Variants in DHRSX observed in about 807,000 individuals in gnomAD.
The protein encoded by DHRSX is dehydrogenase/reductase X-linked.
DHRSX carries 31 observed loss-of-function variants against 34.0 expected under a neutral mutation model. The ratio of observed to expected loss-of-function variants is 0.91; its 90% CI spans 0.69 to 1.23. The LOEUF is 1.23. Among genes scored for constraint, DHRSX ranks in the 50% most tolerant of loss-of-function variants. DHRSX has a pLI of 0.00. For missense variants in DHRSX, 414 were observed against 428.1 expected (o/e 0.97, Z 0.29); for synonymous variants, 201 against 183.8 (o/e 1.09, Z -0.76).
At chrX:2,425,356 A>G (rs2124651076) in intron 1 of DHRSX, 52 bp from the exon 2 acceptor site, 1 of 1,504,306 alleles carries the variant, frequency 6.6e-7, no homozygotes, top group Non-Finnish European at 9.2e-7. Flanking sequence ...AGCAGAGCAC[A>G]TATTTGTAAG....
chrX:2,400,937 G>A (rs144246594), intron 3 of DHRSX, among the ~76,000 whole-genome samples: 3 of 152,212 alleles, frequency 2.0e-5, no homozygotes, highest in East Asian at 3.9e-4. Context: ...CCAAGGCGGC[G>A]TGCAAAATTT....
intron 3 of DHRSX, among the ~76,000 whole-genome samples, chrX:2,299,156 C>A (rs1236262187): frequency 6.6e-6 from 1 of 152,118 alleles, no homozygotes; most frequent in African/African-American, 2.4e-5. Flanking sequence ...CTAAGCAATT[C>A]GGTCAAGTCA....
intron 3 of DHRSX, among the ~76,000 whole-genome samples, chrX:2,377,173 C>T (rs988160605): frequency 1.3e-5 from 2 of 152,054 alleles, no homozygotes; most frequent in Non-Finnish European, 2.9e-5. Flanking sequence ...CATAGAAAGA[C>T]AGTCACTGTG....
At chrX:2,306,496 C>T (rs1005859815) in intron 3 of DHRSX, among the ~76,000 whole-genome samples, 7 of 147,618 alleles carry the variant, frequency 4.7e-5, no homozygotes, top group African/African-American at 1.5e-4. Flanking sequence ...GAGTCTTGCT[C>T]TGTTGCCCAG....
intron 1 of DHRSX, among the ~76,000 whole-genome samples, chrX:2,475,698 C>T (rs1488019470): frequency 5.3e-5 from 8 of 151,460 alleles, no homozygotes; most frequent in Middle Eastern, 3.4e-3. Flanking sequence ...GTTAAGGGAC[C>T]GCCGCCATGT....
chrX:2,446,842 G>A (rs889586197), intron 1 of DHRSX, among the ~76,000 whole-genome samples: 1 of 151,942 alleles, frequency 6.6e-6, no homozygotes, highest in Non-Finnish European at 1.5e-5. Context: ...GGACCGCAAG[G>A]AAGATGTTCC....
intron 3 of DHRSX, among the ~76,000 whole-genome samples, chrX:2,330,266 T>TA (rs1193505099): frequency 6.6e-6 from 1 of 151,334 alleles, no homozygotes; most frequent in African/African-American, 2.4e-5. Flanking sequence ...CTCATGCCTG[T>TA]AATCCTAGCA....
At chrX:2,366,550 G>T (rs187230922) in intron 3 of DHRSX, among the ~76,000 whole-genome samples, 1 of 152,218 alleles carries the variant, frequency 6.6e-6, no homozygotes. Context: ...ACCAGGGTAG[G>T]GGGTTAATAA....
intron 2 of DHRSX, among the ~76,000 whole-genome samples, chrX:2,420,280 C>T (rs1457756015): frequency 2.0e-5 from 3 of 151,868 alleles, no homozygotes; most frequent in Admixed American, 6.6e-5. Flanking sequence ...TGCTGGCACG[C>T]GCCTGTAATC....
chrX:2,306,926 CTTT>C (rs779898766), intron 3 of DHRSX, among the ~76,000 whole-genome samples: 5,175 of 132,130 alleles, frequency 0.039, 128 homozygotes, highest in Middle Eastern at 0.088. Flanking sequence ...GGTCTTGGGG[CTTT>C]TTTTTTTTTT....
At chrX:2,399,602 A>T (rs1390527178) in intron 3 of DHRSX, among the ~76,000 whole-genome samples, 1 of 151,756 alleles carries the variant, frequency 6.6e-6, no homozygotes, top group Non-Finnish European at 1.5e-5. Flanking sequence ...GCATCTTGGG[A>T]GGCTGAGGCA....
intron 1 of DHRSX, among the ~76,000 whole-genome samples, chrX:2,462,730 T>A (rs897358665): frequency 6.6e-6 from 1 of 152,098 alleles, no homozygotes; most frequent in Non-Finnish European, 1.5e-5. Flanking sequence ...GTCCCACGTG[T>A]ATTTTACAGC....
rs1460157086 is a variant in DHRSX, at chrX:2,326,661, G to A, written c.287-35058C>T. Among the ~76,000 whole-genome samples, 9 of 152,226 alleles carry A rather than the reference G, an allele frequency of 5.9e-5. No individual in the cohort carries two copies. The South Asian group carries it at 1.5e-3, about 25-fold the overall frequency. On this transcript the variant is annotated intron_variant, in intron 3 of 6. Coordinates refer to ENST00000334651, the MANE Select transcript of DHRSX (RefSeq NM_145177.3). The stretch of plus-strand genomic sequence containing the variant: ...AATATCCAGTTGTGTGTTATTGGGG[G>A]AAAGTAACCACTTTGCAATATTCCT...
intron 1 of DHRSX, chrX:2,489,660 A>G: frequency 6.2e-7 from 1 of 1,612,156 alleles, no homozygotes; most frequent in Non-Finnish European, 8.5e-7. Context: ...GTGCTCCCCC[A>G]CCAGGAGACG....
rs1447320352 is a variant in DHRSX at position 2,319,881 on chromosome X, T to A, written c.287-28278A>T. Among the ~76,000 whole-genome samples, 4 of 152,124 alleles carry A rather than the reference T, an allele frequency of 2.6e-5. No individual in the cohort carries two copies. In the East Asian group the frequency reaches 5.8e-4, roughly 22 times the overall value. On this transcript the variant is annotated intron_variant, in intron 3 of 6. Coordinates refer to ENST00000334651, the MANE Select transcript of DHRSX (RefSeq NM_145177.3). ...TTCCCTCTTGTTGCCCAGGCTGGAG[T>A]GCGATGGCGTGATCTCAGCTCACTG...
chrX:2,330,002 G>T (rs147311216), intron 3 of DHRSX, among the ~76,000 whole-genome samples: 1,909 of 143,680 alleles, frequency 0.013, 55 homozygotes, highest in African/African-American at 0.046. Context: ...AACTAAGAGG[G>T]CAGCACTGCG....
In DHRSX at chrX:2,353,687, G is replaced by A. The variant is rs190843801; in HGVS notation, c.286+55058C>T. ...CAATCTCCGCCTCCCGGGTTCAAGC[G>A]ATTCTCCTGCCTCAGCCCCCTGAGT... On this transcript the variant is annotated intron_variant, in intron 3 of 6. Coordinates refer to ENST00000334651, the MANE Select transcript of DHRSX (RefSeq NM_145177.3). 2.2e-3 allele frequency among the ~76,000 whole-genome samples: 329 copies of A among 150,878 alleles called. 1 individual carries two copies. Among genetic ancestry groups the A allele is most frequent in the African/African-American group, 7.7e-3 (316 of 40,994 alleles).
intron 4 of DHRSX, among the ~76,000 whole-genome samples, chrX:2,275,778 GGCTCT>G (rs1352145315): frequency 3.4e-5 from 5 of 149,180 alleles, no homozygotes; most frequent in African/African-American, 9.8e-5. Context: ...GACAGAGCAA[GGCTCT>G]GTCTCAAAAA....
chrX:2,224,635 T>C (rs1019623542), intron 6 of DHRSX, among the ~76,000 whole-genome samples: 2 of 152,090 alleles, frequency 1.3e-5, no homozygotes, highest in Non-Finnish European at 2.9e-5. Context: ...CATGTGCGCA[T>C]GGTCACTTAC....
Sources: gnomAD v4.1 joint callset for allele counts (sites outside exome capture counted in the v4.1 genomes callset) on GRCh38, gnomAD v4.1.1 for gene constraint, MANE v1.5 for transcripts, NCBI Gene and HGNC (gene_info 2026-07-23, HGNC 2026-07-21) for gene names.